LTBP1: variants seen among roughly 807,000 people sequenced by gnomAD.
LTBP1 encodes latent-transforming growth factor beta-binding protein 1.
A neutral mutation model predicts 207.6 loss-of-function variants in LTBP1; 129 were observed. The ratio of observed to expected loss-of-function variants is 0.62; its 90% CI spans 0.54 to 0.72. LTBP1 has a LOEUF of 0.72. LTBP1 is among the 30% of genes least tolerant of loss of function. LTBP1 has a pLI of 0.00. For missense variants in LTBP1, 2,281 were observed against 2,217.2 expected (o/e 1.03, Z -0.58); for synonymous variants, 963 against 833.7 (o/e 1.16, Z -2.67).
intron 2 of LTBP1, among the ~76,000 whole-genome samples, chr2:32,992,455 G>C (rs539206284): frequency 6.6e-6 from 1 of 152,264 alleles, no homozygotes; most frequent in East Asian, 1.9e-4. Flanking sequence ...AAAAGAAGGG[G>C]AGTATCTTAT....
intron 20 of LTBP1, among the ~76,000 whole-genome samples, chr2:33,297,064 A>C (rs888169677): frequency 6.6e-6 from 1 of 152,208 alleles, no homozygotes; most frequent in Non-Finnish European, 1.5e-5. Context: ...AAGCTTCACA[A>C]AGGTATTGCT....
intron 9 of LTBP1, among the ~76,000 whole-genome samples, chr2:33,228,979 G>C (rs1164564972): frequency 2.0e-5 from 3 of 151,938 alleles, no homozygotes; most frequent in African/African-American, 7.2e-5. Flanking sequence ...GATTACGGGT[G>C]TGAGCCACTG....
intron 5 of LTBP1, among the ~76,000 whole-genome samples, chr2:33,143,926 C>T (rs78192471): frequency 1.9e-3 from 285 of 152,148 alleles, no homozygotes; most frequent in African/African-American, 6.7e-3. Context: ...GACTTCCCTG[C>T]ATGTAAAACA....
At chr2:33,021,284 C>T (rs749847490) in intron 3 of LTBP1, 78 bp downstream of exon 3, 6 of 1,316,762 alleles carry the variant, frequency 4.6e-6, no homozygotes, top group African/African-American at 1.5e-5. Context: ...ATCACTGTCC[C>T]TTTCCTGCAC....
intron 4 of LTBP1, among the ~76,000 whole-genome samples, chr2:33,117,934 C>G (rs148338761): frequency 0.01 from 1,564 of 152,116 alleles, 18 homozygotes; most frequent in East Asian, 0.016. Context: ...GCCTTAATGT[C>G]GATGTTGAAG....
chr2:33,112,648 A>G (rs1488931377), intron 4 of LTBP1, among the ~76,000 whole-genome samples: 1 of 152,188 alleles, frequency 6.6e-6, no homozygotes, highest in Non-Finnish European at 1.5e-5. Flanking sequence ...CTGGAGGGCT[A>G]GTTGGAAAGT....
chr2:33,170,869 A>G (rs185521456), intron 5 of LTBP1, among the ~76,000 whole-genome samples: 5,287 of 151,904 alleles, frequency 0.035, 126 homozygotes, highest in Middle Eastern at 0.14. Flanking sequence ...CTGCTGTTCT[A>G]CAGCCACCGC....
chr2:33,058,541 G>A (rs1052983193), intron 3 of LTBP1, among the ~76,000 whole-genome samples: 3 of 152,116 alleles, frequency 2.0e-5, no homozygotes, highest in African/African-American at 7.2e-5. Flanking sequence ...TTAATATTCT[G>A]AAGTATTTTC....
chr2:33,132,056 C>T (rs977062719), intron 4 of LTBP1, among the ~76,000 whole-genome samples: 4 of 152,138 alleles, frequency 2.6e-5, no homozygotes, highest in Non-Finnish European at 5.9e-5. Flanking sequence ...AAGTTAATGC[C>T]AGAGAAGACA....
chr2:33,336,992 G>A (rs1173331990), intron 24 of LTBP1, among the ~76,000 whole-genome samples: 1 of 152,120 alleles, frequency 6.6e-6, no homozygotes, highest in Non-Finnish European at 1.5e-5. Flanking sequence ...GTGAATTTTT[G>A]TGTTGAGTTC....
rs1265896276 is a variant in LTBP1, at chr2:33,134,905, C to G, written c.1146C>G (p.Leu382=). The change falls in exon 5 of 34, where the codon CTC becomes CTG. Residue 382 remains leucine (L), a synonymous_variant. Transcript: ENST00000404816. The surrounding 1 kb of genome is among the most constrained non-coding windows in gnomAD (Gnocchi z 4.4). ...NSCEKGNTTT[L]ISENGHAADT... is the part of the protein sequence containing the mutation. ...GTGAGAAGGGGAACACCACCACTCT[C>G]ATTAGTGAGAATGGTCATGCTGCCG... The G allele has an allele frequency of 7.4e-6, 12 of 1,613,840 alleles. No individual in the cohort carries two copies. The highest frequency in any genetic ancestry group is 1.0e-5 in the Non-Finnish European group (12 of 1,179,970).
chr2:32,962,549 G>T (rs556567219), intron 2 of LTBP1, among the ~76,000 whole-genome samples: 3 of 152,284 alleles, frequency 2.0e-5, no homozygotes, highest in South Asian at 2.1e-4. Context: ...CGTTTGTTTC[G>T]AGTGGAAGAC....
intron 2 of LTBP1, among the ~76,000 whole-genome samples, chr2:33,015,904 A>G (rs1476977498): frequency 6.6e-6 from 1 of 152,040 alleles, no homozygotes; most frequent in Non-Finnish European, 1.5e-5. Flanking sequence ...AGAATCACCC[A>G]CTCACTCACT....
In LTBP1 at chr2:33,252,540, T is replaced by G. The variant is rs114333681; in HGVS notation, c.2000-137T>G. 5.5e-3 allele frequency: 4,223 copies of G among 770,656 alleles called. 139 individuals are homozygous for G. In the African/African-American group the frequency reaches 0.067, roughly 12 times the overall value. 47.7% of individuals were successfully genotyped at this position (770,656 alleles called of 1,614,324 possible). On this transcript the variant is annotated intron_variant, in intron 10 of 33. Coordinates refer to ENST00000404816, the MANE Select transcript of LTBP1 (RefSeq NM_206943.4). ...TAAACTGATTTTTCTTCAAGAAAGGTGATGCTCTAAATCTAGACAGATTTA... is the reference window on the plus strand; with the variant it reads ...TAAACTGATTTTTCTTCAAGAAAGGGGATGCTCTAAATCTAGACAGATTTA...
chr2:33,119,176 T>TTTTC (rs1553413660), intron 4 of LTBP1, among the ~76,000 whole-genome samples: 10 of 151,502 alleles, frequency 6.6e-5, no homozygotes, highest in Non-Finnish European at 1.5e-4. Flanking sequence ...ATTTTTTTTT[T>TTTTC]CCCTAGGGAA....
chr2:32,997,602 G>C (rs1035775332), intron 2 of LTBP1, among the ~76,000 whole-genome samples: 4 of 152,160 alleles, frequency 2.6e-5, no homozygotes, highest in African/African-American at 9.7e-5. Flanking sequence ...AATGCTCTTG[G>C]GATGGTGGGA....
intron 20 of LTBP1, among the ~76,000 whole-genome samples, chr2:33,293,984 C>CTGGTACAG (rs2093823659): frequency 7.5e-6 from 1 of 132,832 alleles, no homozygotes; most frequent in Non-Finnish European, 1.6e-5. Flanking sequence ...GTGAACAAAA[C>CTGGTACAG]TGGTACAGGT....
chr2:32,999,150 C>A (rs961675634), intron 2 of LTBP1, among the ~76,000 whole-genome samples: 1 of 152,172 alleles, frequency 6.6e-6, no homozygotes, highest in Admixed American at 6.5e-5. Context: ...GAGCTGTGGA[C>A]CAGCATCATC....
chr2:32,990,022 T>G (rs969401311), intron 2 of LTBP1, among the ~76,000 whole-genome samples: 3 of 152,184 alleles, frequency 2.0e-5, no homozygotes, highest in Non-Finnish European at 4.4e-5. Context: ...GGAGGACCGC[T>G]TGAGCCCAGG....
Sources: gnomAD v4.1 joint callset for allele counts (sites outside exome capture counted in the v4.1 genomes callset) on GRCh38, gnomAD v4.1.1 for gene constraint, Gnocchi (gnomAD v3.1) non-coding constraint, MANE v1.5 for transcripts, NCBI Gene and HGNC (gene_info 2026-07-23, HGNC 2026-07-21) for gene names.